The following RNF19B variants were observed in gnomAD, a reference collection of about 807,000 sequenced individuals.
RNF19B encodes the protein E3 ubiquitin-protein ligase RNF19B.
RNF19B carries 23 observed loss-of-function variants against 65.5 expected under a neutral mutation model. The ratio of observed to expected loss-of-function variants is 0.35; its 90% confidence interval spans 0.25 to 0.50. The LOEUF is 0.50. RNF19B is among the 20% of genes least tolerant of loss of function. The pLI is 0.98. For synonymous variants in RNF19B, 372 were observed against 379.6 expected, an observed-to-expected ratio of 0.98 and a Z score of 0.23; for missense variants, 794 against 980.0, an observed-to-expected ratio of 0.81 and a Z score of 2.53.
chr1:32,937,607 G>A (rs1024876989), intron 8 of RNF19B, among the ~76,000 whole-genome samples: 3 of 152,072 alleles, frequency 2.0e-5, no homozygotes, highest in African/African-American at 7.2e-5. Flanking sequence ...TACTCGGGAG[G>A]CTGAGATGGG....
Position 32,936,733 on chromosome 1 carries a change from G to GGA in RNF19B, c.*72_*73insTC. 1.7e-6 allele frequency: 2 copies of GGA among 1,160,336 alleles called. No homozygotes were observed. The highest frequency in any genetic ancestry group is 1.6e-5 in the African/African-American group (1 of 60,732). The allele number at this position is 1,160,336 out of a possible 1,614,324, so 71.9% of individuals were successfully genotyped here. A position where few individuals can be genotyped will look rare whatever the true frequency, so the allele number is the denominator to read the frequency against. ...AAAATACATAAATCTCTACCCCTTGGAAAAAAAAAAAAAAAAATTCCAAAA... is the reference window on the plus strand; with the variant it reads ...AAAATACATAAATCTCTACCCCTTGGGAAAAAAAAAAAAAAAAAATTCCAAAA... On this transcript the variant is annotated 3_prime_UTR_variant, in exon 9 of 9. Transcript: ENST00000235150.
chr1:32,941,625 G>C (rs900990359), intron 7 of RNF19B, among the ~76,000 whole-genome samples: 5 of 152,142 alleles, frequency 3.3e-5, no homozygotes, highest in Non-Finnish European at 7.3e-5. Context: ...AGCATTTTAC[G>C]AATTCTATAA....
rs1409748982 is a variant in RNF19B, at chr1:32,964,750, C to T, written c.-65G>A. On this transcript the variant is annotated 5_prime_UTR_variant, in exon 1 of 9. Coordinates refer to ENST00000235150, the MANE Select transcript of RNF19B (RefSeq NM_001300826.2). This position sits in a 1 kb window ranked among gnomAD's most constrained non-coding sequence, Gnocchi z 6.5. Reference sequence around the variant, plus strand: ...CCACAGCTCCCGCCTCAGCGCCCCTCAGCCAGCGCCCGGCCGCCGCCGACG... The same window carrying T: ...CCACAGCTCCCGCCTCAGCGCCCCTTAGCCAGCGCCCGGCCGCCGCCGACG... The T allele has an allele frequency of 1.5e-6, 2 of 1,297,372 alleles. No homozygotes were observed. The highest frequency in any genetic ancestry group is 6.8e-5 in the East Asian group (2 of 29,610). 80.4% of individuals were successfully genotyped at this position (1,297,372 alleles called of 1,614,324 possible).
At chr1:32,948,471 C>T in intron 2 of RNF19B, 108 bp from the exon 3 acceptor site, 1 of 1,187,568 alleles carries the variant, frequency 8.4e-7, no homozygotes, top group Non-Finnish European at 1.2e-6. Context: ...CAGTCAAGAA[C>T]TCTTCACTGA....
intron 5 of RNF19B, 65 bp from the exon 6 acceptor site, chr1:32,944,224 C>A: frequency 6.5e-7 from 1 of 1,533,166 alleles, no homozygotes; most frequent in Non-Finnish European, 8.8e-7. Context: ...ATTCTTCTTC[C>A]CAGTCTGGGC....
At chr1:32,932,448 C>T (rs518440), downstream of RNF19B, among the ~76,000 whole-genome samples, 50,239 of 152,000 alleles carry the variant, frequency 0.33, 8,476 homozygotes, top group Admixed American at 0.41. Context: ...GTGCATCTAA[C>T]TGGCAAAACT....
At chr1:32,938,094 C>CTT (rs1228131547) in intron 8 of RNF19B, among the ~76,000 whole-genome samples, 2 of 121,342 alleles carry the variant, frequency 1.6e-5, no homozygotes, top group Non-Finnish European at 1.6e-5. Context: ...CAATCTAGCT[C>CTT]TTTAAGTTCC....
Position 32,949,556 on chromosome 1 carries a change from T to C in RNF19B, c.841+13A>G. On this transcript the variant is annotated intron_variant, in intron 2 of 8. Transcript: ENST00000235150. ...ACCAAATAAAGAGACAATGAGATAA[T>C]GCCAACTTATACCTGGTCCAGATTC... 3 of 1,612,320 alleles carry C rather than the reference T, an allele frequency of 1.9e-6. No individual in the cohort carries two copies. Among genetic ancestry groups the C allele is most frequent in the East Asian group, 4.5e-5 (2 of 44,868 alleles).
intron 1 of RNF19B, among the ~76,000 whole-genome samples, chr1:32,953,901 C>CTTTTTTT (rs1180002582): frequency 5.9e-5 from 5 of 84,204 alleles, no homozygotes; most frequent in African/African-American, 9.6e-5. Flanking sequence ...GCCCCCACTT[C>CTTTTTTT]TTTTTTTTTT....
chr1:32,935,608 T>C (rs1642084949), downstream of RNF19B, among the ~76,000 whole-genome samples: 1 of 152,160 alleles, frequency 6.6e-6, no homozygotes, highest in African/African-American at 2.4e-5. Flanking sequence ...TTAGCAAAAC[T>C]GAGAAAGTTT....
intron 1 of RNF19B, among the ~76,000 whole-genome samples, chr1:32,962,250 T>C (rs1642787954): frequency 6.6e-6 from 1 of 152,192 alleles, no homozygotes; most frequent in Admixed American, 6.5e-5. Context: ...ACTATAGGCG[T>C]GAGCCACCGA....
intron 1 of RNF19B, among the ~76,000 whole-genome samples, chr1:32,963,117 T>A (rs529896011): frequency 6.6e-6 from 1 of 152,242 alleles, no homozygotes; most frequent in African/African-American, 2.4e-5. Context: ...AGTGCCCCCA[T>A]TGAGACTCTG....
intron 1 of RNF19B, among the ~76,000 whole-genome samples, chr1:32,963,802 T>A (rs909589049): frequency 1.3e-5 from 2 of 151,200 alleles, no homozygotes; most frequent in South Asian, 2.1e-4. Flanking sequence ...CGCCTCTCCC[T>A]GTCTCCTAAC....
intron 8 of RNF19B, 199 bp downstream of exon 8, chr1:32,938,198 T>C: frequency 3.0e-6 from 1 of 338,626 alleles, no homozygotes. Flanking sequence ...AAGAAATCTC[T>C]AAAAATCAAG....
downstream of RNF19B, among the ~76,000 whole-genome samples, chr1:32,933,034 C>T (rs750958614): frequency 6.6e-6 from 1 of 152,162 alleles, no homozygotes; most frequent in Non-Finnish European, 1.5e-5. Flanking sequence ...GCACTATCTA[C>T]CACTCTGTCT....
At chr1:32,960,650 C>T (rs955482029) in intron 1 of RNF19B, among the ~76,000 whole-genome samples, 2 of 151,802 alleles carry the variant, frequency 1.3e-5, no homozygotes, top group African/African-American at 4.8e-5. Flanking sequence ...CAAAACAAAA[C>T]AACACTGTTC....
chr1:32,943,896 C>A lies in RNF19B; in HGVS notation c.1402+123G>T. On this transcript the variant is annotated intron_variant, in intron 6 of 8. Coordinates refer to ENST00000235150, the MANE Select transcript of RNF19B (RefSeq NM_001300826.2). Reference sequence around the variant, plus strand: ...AAATGAAAAGCTAAAAATACTTTACCCCCTACAAAGCTCATTATCCAAAGT... The same window carrying A: ...AAATGAAAAGCTAAAAATACTTTACACCCTACAAAGCTCATTATCCAAAGT... The A allele has an allele frequency of 8.6e-6, 8 of 933,470 alleles. No homozygotes were observed. The South Asian group carries it at 1.4e-4, about 16-fold the overall frequency. The allele number at this position is 933,470 out of a possible 1,614,324, so 57.8% of individuals were successfully genotyped here.
chr1:32,933,282 T>C (rs1451763241), downstream of RNF19B, among the ~76,000 whole-genome samples: 1 of 151,162 alleles, frequency 6.6e-6, no homozygotes, highest in East Asian at 1.9e-4. Flanking sequence ...TGAGACGGAG[T>C]CTCGCTCTGT....
chr1:32,947,802 C>T (rs1022434158), intron 3 of RNF19B, among the ~76,000 whole-genome samples: 41 of 151,680 alleles, frequency 2.7e-4, no homozygotes, highest in African/African-American at 8.7e-4. Context: ...AAAGTACTGA[C>T]GATATTTATG....
Sources: gnomAD v4.1 joint callset for allele counts (sites outside exome capture counted in the v4.1 genomes callset) on GRCh38, gnomAD v4.1.1 for gene constraint, Gnocchi (gnomAD v3.1) non-coding constraint, MANE v1.5 for transcripts, NCBI Gene and HGNC (gene_info 2026-07-23, HGNC 2026-07-21) for gene names.